SPATA6: variants seen among roughly 807,000 people sequenced by gnomAD.
The protein encoded by SPATA6 is spermatogenesis-associated protein 6.
In SPATA6, 56 loss-of-function variants were observed where a neutral mutation model predicts 65.3. That is an observed-to-expected ratio of 0.86 (90% CI 0.69 to 1.07). SPATA6 has a LOEUF of 1.07. Among genes scored for constraint, SPATA6 ranks in the 50% least tolerant of loss-of-function variants. SPATA6 has a pLI of 0.00. For missense variants in SPATA6, 590 were observed against 594.8 expected, an observed-to-expected ratio of 0.99 and a Z score of 0.08; for synonymous variants, 199 against 213.2, an observed-to-expected ratio of 0.93 and a Z score of 0.58.
chr1:48,329,348 G>T (rs1005485848), intron 11 of SPATA6, among the ~76,000 whole-genome samples: 1 of 152,018 alleles, frequency 6.6e-6, no homozygotes, highest in Non-Finnish European at 1.5e-5. Flanking sequence ...AATAACATAA[G>T]CCTCTACTTT....
rs1311044159 is a variant in SPATA6 at position 48,399,401 on chromosome 1, G to A, written c.730C>T (p.Pro244Ser). The A allele has an allele frequency of 1.9e-6, 3 of 1,613,094 alleles. No homozygotes were observed. Among genetic ancestry groups the A allele is most frequent in the South Asian group, 1.1e-5 (1 of 91,040 alleles). Residue 244 changes from proline to serine, a missense_variant, in exon 7 of 13, where the codon CCC becomes TCC. Transcript: ENST00000371847. ...TCTGTTTCTTTTTTGAACTCATAGG[G>A]TCCCAGATTTAAATGGGCCAGCCGC... ...RRRLAHLNLG[P>S]YEFKKETDKP...
chr1:48,399,324 A>G, intron 7 of SPATA6, 27 bp downstream of exon 7: 1 of 1,587,168 alleles, frequency 6.3e-7, no homozygotes, highest in Non-Finnish European at 8.6e-7. Flanking sequence ...ATCAGTTTCA[A>G]ATAGAAATGC....
chr1:48,365,832 T>C (rs1157320158), intron 9 of SPATA6, among the ~76,000 whole-genome samples: 1 of 152,190 alleles, frequency 6.6e-6, no homozygotes, highest in Non-Finnish European at 1.5e-5. Flanking sequence ...AACACTATGT[T>C]GAATAGGAGT....
At chr1:48,389,134 C>T (rs529833044) in intron 8 of SPATA6, among the ~76,000 whole-genome samples, 3 of 152,206 alleles carry the variant, frequency 2.0e-5, no homozygotes, top group South Asian at 2.1e-4. Flanking sequence ...CATAAGCCAT[C>T]GTGCCTGGCC....
At chr1:48,417,242 G>C (rs1320185559) in intron 3 of SPATA6, among the ~76,000 whole-genome samples, 1 of 152,094 alleles carries the variant, frequency 6.6e-6, no homozygotes, top group African/African-American at 2.4e-5. Flanking sequence ...ATATAGCAAA[G>C]TTGCTAAAAC....
intron 3 of SPATA6, among the ~76,000 whole-genome samples, chr1:48,419,110 G>C (rs1421118717): frequency 6.6e-6 from 1 of 152,076 alleles, no homozygotes; most frequent in Non-Finnish European, 1.5e-5. Flanking sequence ...CAAAACAGTG[G>C]TATTTACTAC....
chr1:48,455,315 T>C (rs1228434729), intron 1 of SPATA6, among the ~76,000 whole-genome samples: 1 of 152,158 alleles, frequency 6.6e-6, no homozygotes, highest in African/African-American at 2.4e-5. Flanking sequence ...TAATTGCATG[T>C]TGAAAGGATA....
chr1:48,281,445 A>C, the SPATA6 span, among the ~76,000 whole-genome samples: 9 of 152,348 alleles, frequency 5.9e-5, no homozygotes, highest in Admixed American at 5.9e-4. Flanking sequence ...CCATCGTCTC[A>C]GCCCAAAATC....
chr1:48,430,362 A>C (rs1285501020), intron 3 of SPATA6, among the ~76,000 whole-genome samples: 1 of 152,082 alleles, frequency 6.6e-6, no homozygotes, highest in African/African-American at 2.4e-5. Flanking sequence ...AACTAACAAG[A>C]ATTCTATATC....
intron 9 of SPATA6, among the ~76,000 whole-genome samples, chr1:48,378,393 T>C (rs545812869): frequency 2.4e-4 from 37 of 152,166 alleles, no homozygotes; most frequent in Non-Finnish European, 4.3e-4. Context: ...GGGAAATAAA[T>C]TGGAAGAACA....
chr1:48,289,288 C>G, the SPATA6 span, among the ~76,000 whole-genome samples: 1 of 152,232 alleles, frequency 6.6e-6, no homozygotes, highest in Non-Finnish European at 1.5e-5. Context: ...AGGGTCCTGA[C>G]TGTTTGAAGG....
chr1:48,349,179 C>T (rs1646449820), intron 11 of SPATA6, among the ~76,000 whole-genome samples: 1 of 151,864 alleles, frequency 6.6e-6, no homozygotes, highest in East Asian at 1.9e-4. Context: ...TTTTTTGGTA[C>T]ACAGAAATGC....
At chr1:48,289,657 G>C in the SPATA6 span, among the ~76,000 whole-genome samples, 1 of 152,224 alleles carries the variant, frequency 6.6e-6, no homozygotes, top group East Asian at 1.9e-4. Context: ...GATCTTAAAT[G>C]ACCTGATGGA....
intron 6 of SPATA6, among the ~76,000 whole-genome samples, chr1:48,400,157 A>C (rs1651027864): frequency 6.6e-6 from 1 of 151,884 alleles, no homozygotes; most frequent in Non-Finnish European, 1.5e-5. Context: ...AAATATAAAG[A>C]ACTCTATACA....
chr1:48,435,421 A>G (rs909699412), intron 3 of SPATA6, among the ~76,000 whole-genome samples: 3 of 151,872 alleles, frequency 2.0e-5, no homozygotes. Context: ...ACCAATCAGC[A>G]CTCTAAAATC....
At chr1:48,446,475 C>A (rs1445216115) in intron 3 of SPATA6, among the ~76,000 whole-genome samples, 1 of 152,158 alleles carries the variant, frequency 6.6e-6, no homozygotes, top group African/African-American at 2.4e-5. Flanking sequence ...AAGCCTGGTG[C>A]TGGAAAAAGT....
chr1:48,337,710 G>C (rs2148751507), intron 11 of SPATA6, among the ~76,000 whole-genome samples: 1 of 151,664 alleles, frequency 6.6e-6, no homozygotes, highest in East Asian at 1.9e-4. Context: ...ATCATACCAA[G>C]AAAAAACAGA....
intron 1 of SPATA6, among the ~76,000 whole-genome samples, chr1:48,457,657 C>A (rs1188489802): frequency 6.6e-6 from 1 of 152,056 alleles, no homozygotes; most frequent in East Asian, 1.9e-4. Flanking sequence ...CAAAAATTTT[C>A]TTTCAAAAAG....
chr1:48,286,577 T>A, the SPATA6 span, among the ~76,000 whole-genome samples: 1 of 152,210 alleles, frequency 6.6e-6, no homozygotes, highest in South Asian at 2.1e-4. Context: ...TTTCTATATA[T>A]ATGATCATGC....
Sources: gnomAD v4.1 joint callset for allele counts (sites outside exome capture counted in the v4.1 genomes callset) on GRCh38, gnomAD v4.1.1 for gene constraint, MANE v1.5 for transcripts, NCBI Gene and HGNC (gene_info 2026-07-23, HGNC 2026-07-21) for gene names.